The following KCNK17 variants were observed in gnomAD, a reference collection of about 807,000 sequenced individuals.
The protein encoded by KCNK17 is potassium two pore domain channel subfamily K member 17.
In KCNK17, 27 loss-of-function variants were observed where a neutral mutation model predicts 24.6. The ratio of observed to expected loss-of-function variants is 1.10; its 90% CI spans 0.81 to 1.51. The LOEUF (loss-of-function observed/expected upper bound fraction) is 1.51, where lower values mean the gene tolerates loss of function less well. KCNK17 is among the 40% of genes most tolerant of loss of function. The pLI, the probability that KCNK17 is intolerant of heterozygous loss-of-function variation, is 0.00. For missense variants in KCNK17, 450 were observed against 436.6 expected (o/e 1.03, Z -0.27); for synonymous variants, 181 against 189.8 (o/e 0.95, Z 0.38).
chr6:39,309,818 G>C (rs1369563852), intron 2 of KCNK17, among the ~76,000 whole-genome samples: 2 of 152,186 alleles, frequency 1.3e-5, no homozygotes, highest in Admixed American at 1.3e-4. Context: ...CCTTGTAATA[G>C]ACCCTTGGGG....
At chr6:39,311,762 C>T (rs1162916660) in intron 1 of KCNK17, among the ~76,000 whole-genome samples, 1 of 151,974 alleles carries the variant, frequency 6.6e-6, no homozygotes, top group Non-Finnish European at 1.5e-5. Flanking sequence ...TTTAGCTGGG[C>T]CTTTGAGGGT....
rs367870782 is a variant in KCNK17, at chr6:39,304,055, G to A, written c.590C>T (p.Pro197Leu). Residue 197 changes from proline (P) to leucine (L), a missense_variant, in exon 4 of 5, where the codon CCG becomes CTG. Coordinates refer to ENST00000373231, the MANE Select transcript of KCNK17 (RefSeq NM_031460.4). ...SGLLLFLLLPPLLFSHMEGWS... is the reference protein window; with the variant it reads ...SGLLLFLLLPLLLFSHMEGWS... ...GCCCTCCATGTGGGAGAAGAGCAGC[G>A]GTGGCAGCAGCAGGAAGAGCAGGAG... The A allele has an allele frequency of 6.8e-6, 11 of 1,613,536 alleles. No individual in the cohort carries two copies. Among genetic ancestry groups the A allele is most frequent in the Admixed American group, 5.0e-5 (3 of 60,002 alleles).
chr6:39,301,397 G>A (rs1456098785), intron 4 of KCNK17, among the ~76,000 whole-genome samples: 1 of 152,210 alleles, frequency 6.6e-6, no homozygotes, highest in African/African-American at 2.4e-5. Flanking sequence ...CCCCAAGGCT[G>A]GGCCCCTCTC....
At chr6:39,304,705 A>G (rs1290246974) in intron 2 of KCNK17, 50 bp from the exon 3 acceptor site, 2 of 1,576,656 alleles carry the variant, frequency 1.3e-6, no homozygotes, top group African/African-American at 2.7e-5. Flanking sequence ...AGCCCTGTCC[A>G]CTCACCACCA....
chr6:39,313,106 C>T (rs1277750492), intron 1 of KCNK17, among the ~76,000 whole-genome samples: 1 of 152,182 alleles, frequency 6.6e-6, no homozygotes, highest in Non-Finnish European at 1.5e-5. Context: ...GGACTCTGGG[C>T]TCTTGGACGA....
At chr6:39,304,769 T>C (rs1404841367) in intron 2 of KCNK17, 114 bp from the exon 3 acceptor site, 11 of 1,130,208 alleles carry the variant, frequency 9.7e-6, no homozygotes, top group Middle Eastern at 2.1e-4. Context: ...CCACTGTAGA[T>C]GTGGGCAGCT....
chr6:39,299,188 T>C lies in KCNK17; in HGVS notation c.*239A>G. 1 of 516,040 alleles carries C rather than the reference T, an allele frequency of 1.9e-6. No individual in the cohort carries two copies. Among genetic ancestry groups the C allele is most frequent in the Non-Finnish European group, 3.4e-6 (1 of 290,578 alleles). The allele number at this position is 516,040 out of a possible 1,614,324, so 32.0% of individuals were successfully genotyped here. ...GCTCCCAGCCATCATATCGGCGGCA[T>C]TGCAGCCCGCTAAAGTAAGGAAGTG... On this transcript the variant is annotated 3_prime_UTR_variant, in exon 5 of 5. Coordinates refer to ENST00000373231, the MANE Select transcript of KCNK17 (RefSeq NM_031460.4).
At position 39,304,303 on chromosome 6, in the gene KCNK17, C is replaced by T. The variant is rs896512133; in HGVS notation, c.514-172G>A. ...TGTGCCTCATGTCCTTCCTGTCTGCCCAGTCCCACCCCATCTCCACCATTA... is the reference window on the plus strand; with the variant it reads ...TGTGCCTCATGTCCTTCCTGTCTGCTCAGTCCCACCCCATCTCCACCATTA... On this transcript the variant is annotated intron_variant, in intron 3 of 4. Coordinates refer to ENST00000373231, the MANE Select transcript of KCNK17 (RefSeq NM_031460.4). The T allele has an allele frequency of 4.3e-5, 33 of 773,196 alleles. 1 individual carries two copies. The Admixed American group carries it at 4.9e-4, about 11-fold the overall frequency. The allele number at this position is 773,196 out of a possible 1,614,324, so 47.9% of individuals were successfully genotyped here.
At chr6:39,300,471 T>C in intron 4 of KCNK17, 1 of 1,550,294 alleles carries the variant, frequency 6.5e-7, no homozygotes, top group Non-Finnish European at 8.7e-7. Flanking sequence ...ATGTCCGCTC[T>C]AGTGTTTGCC....
At chr6:39,303,872 G>C (rs1424542360) in intron 4 of KCNK17, 85 bp downstream of exon 4, 5 of 1,451,376 alleles carry the variant, frequency 3.4e-6, no homozygotes, top group African/African-American at 2.8e-5. Context: ...CGTGCACACA[G>C]CAGGTGCGCC....
At chr6:39,302,339 C>T (rs1413137599) in intron 4 of KCNK17, among the ~76,000 whole-genome samples, 2 of 152,048 alleles carry the variant, frequency 1.3e-5, no homozygotes, top group East Asian at 1.9e-4. Context: ...AGAATTTGGA[C>T]TAGATCTCCT....
At chr6:39,311,978 T>C (rs1353473865) in intron 1 of KCNK17, among the ~76,000 whole-genome samples, 2 of 152,152 alleles carry the variant, frequency 1.3e-5, no homozygotes, top group South Asian at 2.1e-4. Flanking sequence ...ATCAGGTTTG[T>C]GTGCTCTGTG....
rs376249168 is a variant in KCNK17, at chr6:39,299,540, G to A, written c.886C>T (p.Arg296Trp). 4 of 1,614,090 alleles carry A rather than the reference G, an allele frequency of 2.5e-6. No individual in the cohort carries two copies. Among genetic ancestry groups the A allele is most frequent in the East Asian group, 2.2e-5 (1 of 44,880 alleles). Residue 296 changes from arginine (R) to tryptophan (W), a missense_variant, in exon 5 of 5, where the codon CGG becomes TGG. Physicochemically the swap from Arg to Trp is moderately radical, Grantham distance 101 (BLOSUM62 -3). Coordinates refer to ENST00000373231, the MANE Select transcript of KCNK17 (RefSeq NM_031460.4). ...KSQSWRQGPD[R>W]EPESHSPQQG... ...TGTGGGGAGTGGGACTCTGGCTCCC[G>A]GTCAGGTCCCTGTCTCCAGCTTTGG...
intron 2 of KCNK17, among the ~76,000 whole-genome samples, chr6:39,307,891 C>T (rs1036537451): frequency 1.4e-4 from 21 of 152,218 alleles, no homozygotes; most frequent in East Asian, 5.8e-4. Flanking sequence ...TTACTGCTCC[C>T]CAAACACACA....
At position 39,314,337 on chromosome 6, in the gene KCNK17, A is replaced by G. The variant is rs1007453180; in HGVS notation, c.-17T>C. 2 of 1,389,924 alleles carry G rather than the reference A, an allele frequency of 1.4e-6. No homozygotes were observed. Among genetic ancestry groups the G allele is most frequent in the African/African-American group, 1.5e-5 (1 of 66,054 alleles). The allele number at this position is 1,389,924 out of a possible 1,614,324, so 86.1% of individuals were successfully genotyped here. A position where few individuals can be genotyped will look rare whatever the true frequency, so the allele number is the denominator to read the frequency against. ...TCGGTACATAGCGGGAGAGGCGGGG[A>G]GCCGGCGCCGGGAGCGGTGGACTAG... On this transcript the variant is annotated 5_prime_UTR_variant, in exon 1 of 5. Coordinates refer to ENST00000373231, the MANE Select transcript of KCNK17 (RefSeq NM_031460.4).
intron 1 of KCNK17, 42 bp from the exon 2 acceptor site, chr6:39,311,049 A>C: frequency 8.1e-6 from 9 of 1,113,454 alleles, no homozygotes; most frequent in South Asian, 1.3e-5. Flanking sequence ...CTGTGGGGTG[A>C]TGGATTTCCT....
intron 1 of KCNK17, 144 bp from the exon 2 acceptor site, chr6:39,311,151 A>C: frequency 3.7e-6 from 2 of 539,696 alleles, no homozygotes; most frequent in South Asian, 2.6e-5. Flanking sequence ...CCTCACAATT[A>C]CTCTTCGATC....
chr6:39,313,725 C>T (rs1172457181), intron 1 of KCNK17, among the ~76,000 whole-genome samples: 1 of 146,606 alleles, frequency 6.8e-6, no homozygotes, highest in African/African-American at 2.6e-5. Context: ...TCAGGCCGGG[C>T]GGGGCCGGTT....
At chr6:39,309,397 CA>C (rs1158152102) in intron 2 of KCNK17, among the ~76,000 whole-genome samples, 1 of 152,188 alleles carries the variant, frequency 6.6e-6, no homozygotes, top group Non-Finnish European at 1.5e-5. Flanking sequence ...TCTTAAATGT[CA>C]AAGTGCCCAG....
Sources: allele counts gnomAD v4.1 joint callset (sites outside exome capture counted in the v4.1 genomes callset), GRCh38; gene constraint gnomAD v4.1.1; transcripts MANE v1.5; gene names NCBI Gene and HGNC (gene_info 2026-07-23, HGNC 2026-07-21).